Variants in FRMD6 observed in about 807,000 individuals in gnomAD.
The protein encoded by FRMD6 is FERM domain-containing protein 6.
A neutral mutation model predicts 73.2 loss-of-function variants in FRMD6; 37 were observed. The observed-to-expected ratio is 0.51, with a 90% CI of 0.39 to 0.66. The LOEUF (loss-of-function observed/expected upper bound fraction) is 0.66, where lower values mean the gene tolerates loss of function less well. Among genes scored for constraint, FRMD6 ranks in the 30% least tolerant of loss-of-function variants. FRMD6 has a pLI of 0.00. For synonymous variants in FRMD6, 273 were observed against 282.2 expected (o/e 0.97, Z 0.33); for missense variants, 714 against 780.5 (o/e 0.91, Z 1.02).
chr14:51,572,553 G>GGAGA (rs2139599026), intron 2 of FRMD6, among the ~76,000 whole-genome samples: 1 of 152,264 alleles, frequency 6.6e-6, no homozygotes, highest in Admixed American at 6.5e-5. Flanking sequence ...GATTCTTAGA[G>GGAGA]GAGAGGTATG....
At chr14:51,497,185 C>G (rs999571788) in intron 1 of FRMD6, among the ~76,000 whole-genome samples, 2 of 151,754 alleles carry the variant, frequency 1.3e-5, no homozygotes, top group African/African-American at 4.8e-5. Context: ...GAATCTGGCT[C>G]TACTCCTGAC....
At chr14:51,450,845 C>G in the FRMD6 span, among the ~76,000 whole-genome samples, 1 of 152,134 alleles carries the variant, frequency 6.6e-6, no homozygotes, top group East Asian at 1.9e-4. Flanking sequence ...AGGCATTGTC[C>G]TAGATGCTAT....
intron 1 of FRMD6, among the ~76,000 whole-genome samples, chr14:51,546,466 C>T (rs1886471095): frequency 6.8e-6 from 1 of 147,372 alleles, no homozygotes; most frequent in African/African-American, 2.5e-5. Flanking sequence ...CTGGCTTTGG[C>T]CACACATCTG....
At chr14:51,674,747 C>T (rs749962536) in intron 1 of FRMD6, among the ~76,000 whole-genome samples, 9 of 152,148 alleles carry the variant, frequency 5.9e-5, no homozygotes, top group Admixed American at 3.3e-4. Context: ...CCTCTCTCAA[C>T]GCATCAGAGG....
chr14:51,685,453 TTGTTAGTGC>T (rs1044329430), intron 1 of FRMD6, among the ~76,000 whole-genome samples: 3 of 152,186 alleles, frequency 2.0e-5, no homozygotes, highest in African/African-American at 7.2e-5. Context: ...CAGGGTATTT[TTGTTAGTGC>T]TGTTAGTGTA....
At chr14:51,684,247 G>A (rs1827669670) in intron 1 of FRMD6, among the ~76,000 whole-genome samples, 1 of 151,946 alleles carries the variant, frequency 6.6e-6, no homozygotes, top group African/African-American at 2.4e-5. Flanking sequence ...TTCAGGTACT[G>A]TTATCAAAAT....
At chr14:51,674,685 A>G (rs1441212566) in intron 1 of FRMD6, among the ~76,000 whole-genome samples, 1 of 152,066 alleles carries the variant, frequency 6.6e-6, no homozygotes, top group African/African-American at 2.4e-5. Context: ...GTGTAGGGTA[A>G]GGTGTAATTC....
At chr14:51,607,166 T>C (rs1566499412) in intron 2 of FRMD6, among the ~76,000 whole-genome samples, 2 of 152,030 alleles carry the variant, frequency 1.3e-5, no homozygotes, top group Non-Finnish European at 2.9e-5. Flanking sequence ...TTTCTACATA[T>C]TCCTTAACCC....
intron 1 of FRMD6, chr14:51,547,703 T>C (rs1375155091): frequency 6.6e-6 from 1 of 152,188 alleles, no homozygotes; most frequent in Non-Finnish European, 1.5e-5. Flanking sequence ...ATTGTGATGC[T>C]CACCTTTATC....
At chr14:51,424,867 T>G in the FRMD6 span, among the ~76,000 whole-genome samples, 3 of 152,214 alleles carry the variant, frequency 2.0e-5, no homozygotes, top group African/African-American at 7.2e-5. Context: ...TCTGAGCCAT[T>G]AATTTAGTTG....
At chr14:51,495,067 C>A (rs1428592128) in intron 1 of FRMD6, among the ~76,000 whole-genome samples, 1 of 152,134 alleles carries the variant, frequency 6.6e-6, no homozygotes, top group Non-Finnish European at 1.5e-5. Flanking sequence ...CAAACCATAC[C>A]TTCAACACTT....
At chr14:51,667,550 G>A (rs1247935355) in intron 1 of FRMD6, among the ~76,000 whole-genome samples, 3 of 152,162 alleles carry the variant, frequency 2.0e-5, no homozygotes, top group Admixed American at 2.0e-4. Context: ...TAGTGGTAAA[G>A]TTAATTTTTT....
At chr14:51,530,632 C>G (rs1726723108) in intron 1 of FRMD6, among the ~76,000 whole-genome samples, 1 of 132,982 alleles carries the variant, frequency 7.5e-6, no homozygotes, top group Non-Finnish European at 1.6e-5. Context: ...AGGCATGCAC[C>G]ACCACACCCA....
upstream of FRMD6, among the ~76,000 whole-genome samples, chr14:51,488,557 G>A (rs567157663): frequency 1.3e-5 from 2 of 152,320 alleles, no homozygotes; most frequent in South Asian, 4.1e-4. Flanking sequence ...AACTAGGAAT[G>A]AATCAAACAT....
chr14:51,528,660 C>CAA (rs553062031), intron 1 of FRMD6, among the ~76,000 whole-genome samples: 1 of 147,010 alleles, frequency 6.8e-6, no homozygotes, highest in African/African-American at 2.5e-5. Flanking sequence ...TGTGTTTGCT[C>CAA]AAAAAAAAAA....
Position 51,585,923 on chromosome 14 carries a change from A to ATGTGTGTGTGTGTGTGTGTGTGTGTG in FRMD6, c.-147+15530_-147+15531insGTGTGTGTGTGTGTGTGTGTGTGTGT, listed in dbSNP as rs144016037. Reference sequence around the variant, plus strand: ...TTATGGCTGAATAGTATGCCATGGCATGTGTGTGTGTGTGTGTATATATAT... The same window carrying ATGTGTGTGTGTGTGTGTGTGTGTGTG: ...TTATGGCTGAATAGTATGCCATGGCATGTGTGTGTGTGTGTGTGTGTGTGTGTGTGTGTGTGTGTGTGTATATATAT... On this transcript the variant is annotated intron_variant, in intron 2 of 14. Coordinates refer to the FRMD6 transcript ENST00000356218. 5.7e-3 allele frequency among the ~76,000 whole-genome samples: 208 copies of ATGTGTGTGTGTGTGTGTGTGTGTGTG among 36,778 alleles called. 58 individuals are homozygous for ATGTGTGTGTGTGTGTGTGTGTGTGTG. The highest frequency in any genetic ancestry group is 0.01 in the Non-Finnish European group (147 of 14,176). The allele number at this position is 36,778 out of a possible 152,430, so 24.1% of individuals were successfully genotyped here. A position where few individuals can be genotyped will look rare whatever the true frequency, so the allele number is the denominator to read the frequency against.
At chr14:51,663,147 A>T (rs1454637101) in intron 1 of FRMD6, among the ~76,000 whole-genome samples, 2 of 152,252 alleles carry the variant, frequency 1.3e-5, no homozygotes, top group Non-Finnish European at 2.9e-5. Context: ...AGGAAAAGGA[A>T]TGCTTATACA....
chr14:51,474,672 G>A, the FRMD6 span, among the ~76,000 whole-genome samples: 20 of 152,322 alleles, frequency 1.3e-4, no homozygotes, highest in African/African-American at 7.2e-5. Context: ...ACACTGGGGA[G>A]TGATGCAGGA....
the FRMD6 span, among the ~76,000 whole-genome samples, chr14:51,429,063 A>T: frequency 4.0e-5 from 6 of 151,612 alleles, no homozygotes; most frequent in Middle Eastern, 3.4e-3. Context: ...AGAAGAGGAG[A>T]AGAGAAAAGA....
Sources: allele counts gnomAD v4.1 joint callset (sites outside exome capture counted in the v4.1 genomes callset), GRCh38; gene constraint gnomAD v4.1.1; transcripts MANE v1.5; gene names NCBI Gene and HGNC (gene_info 2026-07-23, HGNC 2026-07-21).